Variants in TTLL12 observed in about 807,000 individuals in gnomAD.
TTLL12 encodes tubulin tyrosine ligase like 12, also known as tubulin--tyrosine ligase-like protein 12.
TTLL12 carries 77 observed loss-of-function variants against 79.6 expected under a neutral mutation model. The observed-to-expected ratio is 0.97, with a 90% CI of 0.81 to 1.17. The LOEUF (loss-of-function observed/expected upper bound fraction) is 1.17, where lower values mean the gene tolerates loss of function less well. Ranked by LOEUF, TTLL12 falls within the 50% of genes most tolerant of loss-of-function variation. The pLI is 0.00. For synonymous variants in TTLL12, 437 were observed against 376.1 expected (o/e 1.16, Z -1.87); for missense variants, 969 against 895.9 (o/e 1.08, Z -1.04).
At chr22:43,177,639 C>T (rs1250144958) in intron 5 of TTLL12, among the ~76,000 whole-genome samples, 1 of 152,170 alleles carries the variant, frequency 6.6e-6, no homozygotes, top group Non-Finnish European at 1.5e-5. Flanking sequence ...ATGGAGAGGC[C>T]CACAAGGCAG....
chr22:43,169,410 G>T, intron 12 of TTLL12, 90 bp downstream of exon 12: 2 of 1,154,906 alleles, frequency 1.7e-6, no homozygotes, highest in Non-Finnish European at 2.4e-6. Context: ...CCCAGCCCAT[G>T]CCAGCAGAGA....
Position 43,171,835 on chromosome 22 carries a change from T to G in TTLL12, c.1559A>C (p.Asp520Ala). ...KHFTVMNYDP[D>A]VVLKQVHCEE... ...AGGCCCTACCTGCTTCAGCACCACA[T>G]CCGGGTCATAGTTCATGACCGTGAA... Residue 520 changes from aspartate to alanine, a missense_variant, in exon 11 of 14, where the codon GAT becomes GCT. Coordinates refer to ENST00000216129, the MANE Select transcript of TTLL12 (RefSeq NM_015140.4). 1 of 1,614,116 alleles carries G rather than the reference T, an allele frequency of 6.2e-7. No individual in the cohort carries two copies. Among genetic ancestry groups the G allele is most frequent in the Non-Finnish European group, 8.5e-7 (1 of 1,179,986 alleles).
At chr22:43,171,669 CTA>C in intron 11 of TTLL12, 148 bp downstream of exon 11, 1 of 620,462 alleles carries the variant, frequency 1.6e-6, no homozygotes, top group Non-Finnish European at 2.8e-6. Flanking sequence ...GATGGCAGCG[CTA>C]ACAATCGCCT....
chr22:43,175,432 G>T (rs1395421447), intron 6 of TTLL12: 7 of 152,280 alleles, frequency 4.6e-5, no homozygotes, highest in African/African-American at 1.7e-4. Context: ...TCCCTGCTGT[G>T]GGGAGGGCTG....
chr22:43,168,849 C>T lies in TTLL12; in HGVS notation c.1708G>A (p.Gly570Ser). Reference protein sequence around the residue: ...QVACAKPPPLGLCDYPSSRAM... With the variant: ...QVACAKPPPLSLCDYPSSRAM... The stretch of plus-strand genomic sequence containing the variant: ...CGGGATGAGGGGTAGTCGCAGAGGC[C>T]CAGGGGTGGTGGCTTGGCACAGGCC... The change falls in exon 13 of 14, where the codon GGC (glycine) becomes AGC (serine). Residue 570 changes from glycine to serine, a missense_variant. Gly to Ser is a moderately conservative substitution (Grantham distance 56). Coordinates refer to ENST00000216129, the MANE Select transcript of TTLL12 (RefSeq NM_015140.4). 1.9e-6 allele frequency: 3 copies of T among 1,607,290 alleles called. No individual in the cohort carries two copies. The highest frequency in any genetic ancestry group is 2.5e-6 in the Non-Finnish European group (3 of 1,177,358).
In TTLL12 at chr22:43,180,785, T is replaced by C; in HGVS notation, c.503A>G (p.Glu168Gly). ...GGTCTGGTTGAACTTCCACATCTCC[T>C]CCAGCACCAGGGCCACAGCCTCTGT... The part of the protein sequence containing the change: ...PSTEAVALVL[E>G]EMWKFNQTYQ... The change falls in exon 3 of 14, where the codon GAG (glutamate) becomes GGG (glycine). Residue 168 changes from glutamate (E) to glycine (G), a missense_variant. Physicochemically the swap from Glu to Gly is moderately conservative, Grantham distance 98. Transcript: ENST00000216129. The C allele has an allele frequency of 6.2e-7, 1 of 1,613,144 alleles. No individual in the cohort carries two copies. The highest frequency in any genetic ancestry group is 8.5e-7 in the Non-Finnish European group (1 of 1,179,976).
rs1200066961 is a variant in TTLL12 at position 43,168,896 on chromosome 22, G to C, written c.1661C>G (p.Ala554Gly). Residue 554 changes from alanine to glycine, a missense_variant, in exon 13 of 14, where the codon GCC becomes GGC. Coordinates refer to ENST00000216129, the MANE Select transcript of TTLL12 (RefSeq NM_015140.4). The part of the protein sequence containing the change: ...WTDVQAEIFR[A>G]FTELFQVACA... ...GGCCACCTGGAACAGCTCCGTGAAG[G>C]CCCGGAAGATCTCAGCCTGGGGACC... is the stretch of plus-strand genomic sequence containing the variant. 1 of 1,610,792 alleles carries C rather than the reference G, an allele frequency of 6.2e-7. No homozygotes were observed. The highest frequency in any genetic ancestry group is 1.3e-5 in the African/African-American group (1 of 74,890).
rs1353387066 is a variant in TTLL12 at position 43,168,232 on chromosome 22, C to G, written c.1784-73G>C. On this transcript the variant is annotated intron_variant, in intron 13 of 13. Coordinates refer to ENST00000216129, the MANE Select transcript of TTLL12 (RefSeq NM_015140.4). ...TCTGCAGGGACAGTGGCCTGGGGAT[C>G]CAGCAAAGGCTGGGAGGCCATGAAC... 4 of 1,561,908 alleles carry G rather than the reference C, an allele frequency of 2.6e-6. No homozygotes were observed. The African/African-American group carries it at 4.1e-5, about 16-fold the overall frequency.
At chr22:43,176,239 T>C (rs1314296660) in intron 6 of TTLL12, 81 bp downstream of exon 6, 2 of 1,071,322 alleles carry the variant, frequency 1.9e-6, no homozygotes, top group Non-Finnish European at 1.4e-6. Flanking sequence ...AGCACTGTTC[T>C]GGGGCTGTGG....
At chr22:43,170,159 C>T (rs1334948464) in intron 11 of TTLL12, 5 of 352,260 alleles carry the variant, frequency 1.4e-5, no homozygotes, top group Non-Finnish European at 2.2e-5. Flanking sequence ...CCATGCTGGA[C>T]GTACCTCCCC....
At chr22:43,176,863 C>A (rs952646147) in intron 5 of TTLL12, among the ~76,000 whole-genome samples, 17 of 152,182 alleles carry the variant, frequency 1.1e-4, no homozygotes, top group Non-Finnish European at 2.4e-4. Flanking sequence ...TAACCACCCC[C>A]CTCACCCCAG....
chr22:43,171,273 C>G (rs62232065), intron 11 of TTLL12, among the ~76,000 whole-genome samples: 1 of 152,154 alleles, frequency 6.6e-6, no homozygotes, highest in Admixed American at 6.5e-5. Flanking sequence ...CTCGCCCCCA[C>G]CTTGGAAGGG....
At chr22:43,175,053 C>G (rs910243870) in intron 6 of TTLL12, among the ~76,000 whole-genome samples, 1 of 152,208 alleles carries the variant, frequency 6.6e-6, no homozygotes, top group Admixed American at 6.5e-5. Flanking sequence ...CAGGTCACCA[C>G]AAGACTCACG....
Position 43,174,697 on chromosome 22 carries a change from C to T in TTLL12, c.918-82G>A. 3.0e-6 allele frequency: 3 copies of T among 1,005,250 alleles called. No individual in the cohort carries two copies. The South Asian group carries it at 4.6e-5, about 16-fold the overall frequency. 62.3% of individuals were successfully genotyped at this position (1,005,250 alleles called of 1,614,324 possible). ...CAGCACTAGCCCTGGCTCAGGGACT[C>T]CCTTCCCTGTTTTGAAGCTAATGAG... is the stretch of plus-strand genomic sequence containing the variant. On this transcript the variant is annotated intron_variant, in intron 6 of 13. Coordinates refer to ENST00000216129, the MANE Select transcript of TTLL12 (RefSeq NM_015140.4).
chr22:43,180,648 T>A, intron 3 of TTLL12, 94 bp downstream of exon 3: 9 of 1,396,140 alleles, frequency 6.4e-6, no homozygotes, highest in Non-Finnish European at 7.9e-6. Context: ...TTGCTTGCTC[T>A]GGCCGGCCCC....
chr22:43,181,979 CAG>C (rs1932068281), intron 2 of TTLL12, among the ~76,000 whole-genome samples: 1 of 133,442 alleles, frequency 7.5e-6, no homozygotes, highest in Admixed American at 7.5e-5. Flanking sequence ...GCCTGGCAAT[CAG>C]GGGAGACTCA....
rs2071723 is a variant in TTLL12, at chr22:43,180,898, G to C, written c.390C>G (p.His130Gln). Reference sequence around the variant, plus strand: ...GCACCTGCTGCAGCTGCTGGCGCGCGTGCTCCACACGGCACGTCCAGGCGT... The same window carrying C: ...GCACCTGCTGCAGCTGCTGGCGCGCCTGCTCCACACGGCACGTCCAGGCGT... The part of the protein sequence containing the change: ...IDHAWTCRVE[H>Q]ARQQLQQVPG... The change falls in exon 3 of 14, where the codon CAC becomes CAG. Residue 130 changes from histidine to glutamine, a missense_variant. Transcript: ENST00000216129. The C allele has an allele frequency of 1.2e-6, 2 of 1,612,402 alleles. No homozygotes were observed. The highest frequency in any genetic ancestry group is 1.3e-5 in the African/African-American group (1 of 74,882).
chr22:43,185,012 G>A (rs556928822), intron 1 of TTLL12, among the ~76,000 whole-genome samples: 3 of 151,916 alleles, frequency 2.0e-5, no homozygotes, highest in South Asian at 2.1e-4. Context: ...GGCGGATCAC[G>A]AGGTCAGGAA....
intron 8 of TTLL12, 70 bp from the exon 9 acceptor site, chr22:43,173,896 C>G (rs1931830686): frequency 6.9e-7 from 1 of 1,439,878 alleles, no homozygotes; most frequent in Non-Finnish European, 9.4e-7. Context: ...CCCCAGGACC[C>G]AGAGGCAGAA....
Sources: allele counts gnomAD v4.1 joint callset (sites outside exome capture counted in the v4.1 genomes callset), GRCh38; gene constraint gnomAD v4.1.1; transcripts MANE v1.5; gene names NCBI Gene and HGNC (gene_info 2026-07-23, HGNC 2026-07-21).